Variants in YKT6 observed in about 807,000 individuals in gnomAD.
The protein encoded by YKT6 is synaptobrevin homolog YKT6.
YKT6 carries 12 observed loss-of-function variants against 29.3 expected under a neutral mutation model. The observed-to-expected ratio is 0.41, with a 90% CI of 0.26 to 0.66. The LOEUF is 0.66. Among genes scored for constraint, YKT6 ranks in the 30% least tolerant of loss-of-function variants. The probability of loss-of-function intolerance (pLI) is 0.32; values close to 1 mark genes in which losing one functional copy is unlikely to be tolerated. For missense variants in YKT6, 188 were observed against 243.8 expected (o/e 0.77, Z 1.52); for synonymous variants, 86 against 94.3 (o/e 0.91, Z 0.51).
In YKT6 at chr7:44,212,391, A is replaced by T; in HGVS notation, c.*109A>T. 1 of 1,400,474 alleles carries T rather than the reference A, an allele frequency of 7.1e-7. No individual in the cohort carries two copies. Among genetic ancestry groups the T allele is most frequent in the Non-Finnish European group, 9.9e-7 (1 of 1,011,360 alleles). 86.8% of individuals were successfully genotyped at this position (1,400,474 alleles called of 1,614,324 possible). A position where few individuals can be genotyped will look rare whatever the true frequency, so the allele number is the denominator to read the frequency against. ...AGACGAGGAGCCAGAGTGGGGGCAGACTGGCCATTTTTATTTTGAAGTTCC... is the reference window on the plus strand; with the variant it reads ...AGACGAGGAGCCAGAGTGGGGGCAGTCTGGCCATTTTTATTTTGAAGTTCC... On this transcript the variant is annotated 3_prime_UTR_variant, in exon 7 of 7. Coordinates refer to ENST00000223369, the MANE Select transcript of YKT6 (RefSeq NM_006555.4).
Position 44,206,195 on chromosome 7 carries a change from C to T in YKT6, c.188-190C>T, listed in dbSNP as rs145999791. ...GGGTATTTACTGGTCCTAAAGCAGG[C>T]GTTGGGCCAAGCTCCTGTGTGTGGC... On this transcript the variant is annotated intron_variant, in intron 2 of 6. Coordinates refer to ENST00000223369, the MANE Select transcript of YKT6 (RefSeq NM_006555.4). Among the ~76,000 whole-genome samples, 183 of 152,318 alleles carry T rather than the reference C, an allele frequency of 1.2e-3. 3 individuals carry two copies. In the East Asian group the frequency reaches 0.032, roughly 27 times the overall value.
At position 44,211,257 on chromosome 7, in the gene YKT6, G is replaced by C. The variant is rs1366229434; in HGVS notation, c.561+133G>C. On this transcript the variant is annotated intron_variant, in intron 6 of 6. Coordinates refer to ENST00000223369, the MANE Select transcript of YKT6 (RefSeq NM_006555.4). ...ATCATGGTGGATGATTCCTTGTGCG[G>C]CAAGAGCCTAAGGTGAGCGCCTCAG... 3 of 892,366 alleles carry C rather than the reference G, an allele frequency of 3.4e-6. No individual in the cohort carries two copies. The Admixed American group carries it at 7.6e-5, about 23-fold the overall frequency. 55.3% of individuals were successfully genotyped at this position (892,366 alleles called of 1,614,324 possible).
In YKT6 at chr7:44,207,421, A is replaced by T; in HGVS notation, c.322A>T (p.Ile108Leu). Reference sequence around the variant, plus strand: ...TGAATTCTCCAAGCAAGTCGACAGGATAGACTGGCCAGTAGGATCCCCTGC... The same window carrying T: ...TGAATTCTCCAAGCAAGTCGACAGGTTAGACTGGCCAGTAGGATCCCCTGC... ...LDEFSKQVDRIDWPVGSPATI... is the reference protein window; with the variant it reads ...LDEFSKQVDRLDWPVGSPATI... The change falls in exon 4 of 7, where the codon ATA (isoleucine) becomes TTA (leucine). Residue 108 changes from isoleucine (I) to leucine (L), a missense_variant. By Grantham distance (5) the Ile-to-Leu change is conservative (BLOSUM62 2). Around this residue, in one of 3 missense-constraint regions of YKT6, gnomAD observed 100 missense variants for 136.3 expected, o/e 0.73. Coordinates refer to ENST00000223369, the MANE Select transcript of YKT6 (RefSeq NM_006555.4). 1.2e-6 allele frequency: 2 copies of T among 1,614,096 alleles called. No homozygotes were observed. Among genetic ancestry groups the T allele is most frequent in the Non-Finnish European group, 1.7e-6 (2 of 1,179,978 alleles).
At chr7:44,202,139 G>A (rs574492749) in intron 1 of YKT6, among the ~76,000 whole-genome samples, 7 of 152,136 alleles carry the variant, frequency 4.6e-5, no homozygotes, top group African/African-American at 1.4e-4. Flanking sequence ...GGAATCTGCC[G>A]TTTGGATTCT....
chr7:44,204,036 A>G (rs1179140661), intron 1 of YKT6, among the ~76,000 whole-genome samples: 2 of 152,224 alleles, frequency 1.3e-5, no homozygotes, highest in African/African-American at 4.8e-5. Flanking sequence ...TGTTCCATCC[A>G]GAGTGTCTTG....
rs2096347944 is a variant in YKT6 at position 44,212,499 on chromosome 7, C to T, written c.*217C>T. 5 of 551,394 alleles carry T rather than the reference C, an allele frequency of 9.1e-6. No individual in the cohort carries two copies. Among genetic ancestry groups the T allele is most frequent in the Non-Finnish European group, 9.2e-6 (3 of 325,322 alleles). The allele number at this position is 551,394 out of a possible 1,614,324, so 34.2% of individuals were successfully genotyped here. ...ATTCTTGGAAAGAATTTGAGGTCCCCAAAGGTGTATTTTTGGGCAAATGAA... is the reference window on the plus strand; with the variant it reads ...ATTCTTGGAAAGAATTTGAGGTCCCTAAAGGTGTATTTTTGGGCAAATGAA... On this transcript the variant is annotated 3_prime_UTR_variant, in exon 7 of 7. Transcript: ENST00000223369.
intron 5 of YKT6, 195 bp from the exon 6 acceptor site, chr7:44,210,828 G>T: frequency 1.6e-6 from 1 of 644,700 alleles, no homozygotes; most frequent in Non-Finnish European, 2.9e-6. Context: ...TAGATTTCAC[G>T]GGAATGTCAC....
At chr7:44,208,416 C>A (rs2096343260) in intron 5 of YKT6, 3 of 516,678 alleles carry the variant, frequency 5.8e-6, no homozygotes, top group African/African-American at 3.9e-5. Context: ...GGGGACCAAG[C>A]TGGGAACCAG....
intron 6 of YKT6, 44 bp from the exon 7 acceptor site, chr7:44,212,203 C>T (rs775476463): frequency 1.2e-6 from 2 of 1,613,558 alleles, no homozygotes; most frequent in South Asian, 1.1e-5. Flanking sequence ...GCTTCCCTTA[C>T]TTCGTCAGTC....
At chr7:44,209,338 C>T (rs1232131327) in intron 5 of YKT6, among the ~76,000 whole-genome samples, 2 of 152,208 alleles carry the variant, frequency 1.3e-5, no homozygotes, top group Admixed American at 6.5e-5. Flanking sequence ...CTCCAAATAA[C>T]GTGGCTTTGG....
chr7:44,201,044 AGGCGGCGGCGGTCCCGAGGGGC>A lies in YKT6; in HGVS notation c.-85_-64del. 4 of 1,051,280 alleles carry A rather than the reference AGGCGGCGGCGGTCCCGAGGGGC, an allele frequency of 3.8e-6. No individual in the cohort carries two copies. Among genetic ancestry groups the A allele is most frequent in the Non-Finnish European group, 5.3e-6 (4 of 759,598 alleles). The allele number at this position is 1,051,280 out of a possible 1,614,324, so 65.1% of individuals were successfully genotyped here. On this transcript the variant is annotated 5_prime_UTR_variant, in exon 1 of 7. Coordinates refer to ENST00000223369, the MANE Select transcript of YKT6 (RefSeq NM_006555.4). ...AGCAGCCGGCTGCTGAGAGGCCGGT[AGGCGGCGGCGGTCCCGAGGGGC>A]GGCGGCCGCGCTGCTCCCTGAGAAC...
intron 1 of YKT6, among the ~76,000 whole-genome samples, chr7:44,201,562 G>A (rs2128837977): frequency 6.6e-6 from 1 of 152,346 alleles, no homozygotes; most frequent in East Asian, 1.9e-4. Flanking sequence ...TCTCTACTCA[G>A]TGTTTTTCAA....
intron 3 of YKT6, 119 bp from the exon 4 acceptor site, chr7:44,207,269 C>A: frequency 1.4e-6 from 1 of 726,256 alleles, no homozygotes; most frequent in Non-Finnish European, 2.3e-6. Context: ...TTCCTCCTTC[C>A]TGGGCTGTGA....
At chr7:44,210,677 C>T (rs1447976675) in intron 5 of YKT6, 15 of 299,338 alleles carry the variant, frequency 5.0e-5, no homozygotes, top group African/African-American at 2.7e-4. Context: ...CGCACATGTG[C>T]GTGCACACAC....
chr7:44,207,973 C>G (rs940857574), intron 4 of YKT6, among the ~76,000 whole-genome samples, 160 bp from the exon 5 acceptor site: 1 of 152,196 alleles, frequency 6.6e-6, no homozygotes, highest in African/African-American at 2.4e-5. Context: ...ATCCACCCGC[C>G]TCATCCTCCC....
intron 2 of YKT6, 82 bp from the exon 3 acceptor site, chr7:44,206,303 T>C (rs1172109944): frequency 2.8e-6 from 4 of 1,430,350 alleles, no homozygotes; most frequent in Non-Finnish European, 3.9e-6. Flanking sequence ...GGCCTAACAT[T>C]GGATGCTTTG....
intron 1 of YKT6, among the ~76,000 whole-genome samples, chr7:44,202,276 T>C (rs2096336582): frequency 6.6e-6 from 1 of 152,226 alleles, no homozygotes; most frequent in African/African-American, 2.4e-5. Context: ...TAAAAAAATA[T>C]TTTTAATTGT....
intron 2 of YKT6, among the ~76,000 whole-genome samples, chr7:44,205,413 C>T (rs1687618168): frequency 6.6e-6 from 1 of 152,188 alleles, no homozygotes; most frequent in Non-Finnish European, 1.5e-5. Flanking sequence ...GCACTTTGAC[C>T]CCATGTTTGA....
At chr7:44,204,794 T>G in intron 2 of YKT6, 144 bp downstream of exon 2, 1 of 734,136 alleles carries the variant, frequency 1.4e-6, no homozygotes, top group African/African-American at 1.8e-5. Flanking sequence ...TTTTCCTATT[T>G]ATGCAGAATT....
Sources: allele counts gnomAD v4.1 joint callset (sites outside exome capture counted in the v4.1 genomes callset), GRCh38; gene constraint gnomAD v4.1.1; regional missense constraint gnomAD v4.1.1; transcripts MANE v1.5; gene names NCBI Gene and HGNC (gene_info 2026-07-23, HGNC 2026-07-21).